The following EPHA7 variants were observed in gnomAD, a reference collection of about 807,000 sequenced individuals.
EPHA7 encodes ephrin type-A receptor 7.
EPHA7 carries 25 observed loss-of-function variants against 112.6 expected under a neutral mutation model. The observed-to-expected ratio is 0.22, with a 90% CI of 0.16 to 0.31. The LOEUF (loss-of-function observed/expected upper bound fraction) is 0.31, where lower values mean the gene tolerates loss of function less well. Among genes scored for constraint, EPHA7 ranks in the 10% least tolerant of loss-of-function variants. The pLI, the probability that EPHA7 is intolerant of heterozygous loss-of-function variation, is 1.00. For missense variants in EPHA7, 962 were observed against 1,212.6 expected, an observed-to-expected ratio of 0.79 and a Z score of 3.07; for synonymous variants, 437 against 406.5, an observed-to-expected ratio of 1.07 and a Z score of -0.90.
intron 6 of EPHA7, among the ~76,000 whole-genome samples, chr6:93,270,256 T>C (rs914057637): frequency 1.3e-5 from 2 of 151,678 alleles, no homozygotes; most frequent in Non-Finnish European, 3.0e-5. Context: ...ATATGATTTA[T>C]GGTTTGAAAA....
intron 3 of EPHA7, among the ~76,000 whole-genome samples, chr6:93,395,070 A>G (rs1427421304): frequency 6.6e-6 from 1 of 151,858 alleles, no homozygotes; most frequent in Non-Finnish European, 1.5e-5. Flanking sequence ...TCCAAACAAG[A>G]AATGCATAAT....
At chr6:93,349,637 T>C (rs1034635718) in intron 5 of EPHA7, among the ~76,000 whole-genome samples, 1 of 151,884 alleles carries the variant, frequency 6.6e-6, no homozygotes, top group Non-Finnish European at 1.5e-5. Context: ...GAATGCTGTG[T>C]TTAATATTAC....
At chr6:93,395,324 A>T (rs566337265) in intron 3 of EPHA7, among the ~76,000 whole-genome samples, 170 of 151,958 alleles carry the variant, frequency 1.1e-3, no homozygotes, top group Admixed American at 2.9e-3. Context: ...GTAATTCAGA[A>T]TTGTCTTGGA....
In EPHA7 at chr6:93,320,116, C is replaced by T. The variant is rs1303084709; in HGVS notation, c.1324+36601G>A. On this transcript the variant is annotated intron_variant, in intron 5 of 16. Coordinates refer to ENST00000369303, the MANE Select transcript of EPHA7 (RefSeq NM_004440.4). ...TGTATTTTGTGCTAGTATTAATGGG[C>T]TGCTCATTGAAGGAGGAGAAATCAC... Among the ~76,000 whole-genome samples, 3 of 151,990 alleles carry T rather than the reference C, an allele frequency of 2.0e-5. No individual in the cohort carries two copies. In the East Asian group the frequency reaches 5.8e-4, roughly 29 times the overall value.
intron 7 of EPHA7, among the ~76,000 whole-genome samples, chr6:93,265,132 A>G (rs1770870482): frequency 6.6e-6 from 1 of 151,612 alleles, no homozygotes; most frequent in Admixed American, 6.6e-5. Flanking sequence ...GAAGTACCTT[A>G]ACACACATTA....
intron 5 of EPHA7, among the ~76,000 whole-genome samples, chr6:93,347,795 A>G (rs1323367491): frequency 6.6e-6 from 1 of 151,786 alleles, no homozygotes; most frequent in African/African-American, 2.4e-5. Flanking sequence ...GTATACAGTT[A>G]CATTGGGGGT....
chr6:93,402,064 A>G (rs1582673864), intron 3 of EPHA7, among the ~76,000 whole-genome samples: 1 of 151,968 alleles, frequency 6.6e-6, no homozygotes, highest in African/African-American at 2.4e-5. Flanking sequence ...TTTATAAAAG[A>G]CTGACCATAT....
chr6:93,306,416 G>C (rs1773261141), intron 5 of EPHA7, among the ~76,000 whole-genome samples: 2 of 151,950 alleles, frequency 1.3e-5, no homozygotes, highest in African/African-American at 4.8e-5. Flanking sequence ...TATCCAAATG[G>C]ATTAATTAAA....
At position 93,356,876 on chromosome 6, in the gene EPHA7, T is replaced by C. The variant is rs752702243; in HGVS notation, c.1165A>G (p.Met389Val). 5.0e-6 allele frequency: 8 copies of C among 1,614,168 alleles called. No homozygotes were observed. The highest frequency in any genetic ancestry group is 1.6e-4 in the Middle Eastern group (1 of 6,062). ...CVPCGSNIGY[M>V]PQQTGLEDNY... ...TCCTCTAATCCAGTCTGCTGGGGCA[T>C]GTATCCAATGTTACTCCCACAGGGA... Residue 389 changes from methionine (M) to valine (V), a missense_variant, in exon 5 of 17, where the codon ATG (methionine) becomes GTG (valine). By Grantham distance (21) the Met-to-Val change is conservative. Coordinates refer to ENST00000369303, the MANE Select transcript of EPHA7 (RefSeq NM_004440.4).
chr6:93,314,222 G>A (rs1472086906), intron 5 of EPHA7, among the ~76,000 whole-genome samples: 1 of 151,944 alleles, frequency 6.6e-6, no homozygotes, highest in Non-Finnish European at 1.5e-5. Context: ...TGGCTAAACT[G>A]CTTTTTTTCT....
Position 93,246,376 on chromosome 6 carries a change from C to T in EPHA7, c.2726+416G>A, listed in dbSNP as rs372131649. Among the ~76,000 whole-genome samples the T allele has an allele frequency of 2.0e-5, 3 of 152,116 alleles. 1 individual carries two copies. The highest frequency in any genetic ancestry group is 6.5e-5 in the Admixed American group (1 of 15,270). ...GAATTTCTCTTATAAACTTTAACATCATTGAATCATTTATTAAATGACTTG... is the reference window on the plus strand; with the variant it reads ...GAATTTCTCTTATAAACTTTAACATTATTGAATCATTTATTAAATGACTTG... On this transcript the variant is annotated intron_variant, in intron 15 of 16. Transcript: ENST00000369303.
chr6:93,359,148 C>T (rs3823230), intron 3 of EPHA7, among the ~76,000 whole-genome samples: 10 of 152,178 alleles, frequency 6.6e-5, no homozygotes, highest in Middle Eastern at 3.4e-3. Context: ...GGTTAGGGTG[C>T]AATCACACTA....
At chr6:93,365,460 G>A (rs892080142) in intron 3 of EPHA7, among the ~76,000 whole-genome samples, 3 of 152,062 alleles carry the variant, frequency 2.0e-5, no homozygotes, top group African/African-American at 4.8e-5. Context: ...TTTCTATAAG[G>A]CAAAGGGGAA....
chr6:93,405,551 A>G (rs1209659103), intron 3 of EPHA7, among the ~76,000 whole-genome samples: 1 of 151,442 alleles, frequency 6.6e-6, no homozygotes, highest in African/African-American at 2.4e-5. Context: ...TTCATTGATT[A>G]TTTGCTATGT....
intron 3 of EPHA7, among the ~76,000 whole-genome samples, chr6:93,359,924 T>TAG (rs1776175770): frequency 7.1e-6 from 1 of 140,518 alleles, no homozygotes; most frequent in African/African-American, 2.6e-5. Context: ...TAGATAGAGA[T>TAG]AGACAGATAG....
intron 2 of EPHA7, 109 bp from the exon 3 acceptor site, chr6:93,411,279 C>G: frequency 1.2e-6 from 1 of 822,326 alleles, no homozygotes; most frequent in Non-Finnish European, 1.9e-6. Context: ...TAGGTTGATT[C>G]CTATGCTGGC....
chr6:93,335,070 C>T (rs182188908), intron 5 of EPHA7, among the ~76,000 whole-genome samples: 13 of 152,128 alleles, frequency 8.5e-5, no homozygotes, highest in Admixed American at 8.5e-4. Flanking sequence ...TTATCACCTT[C>T]GGCAATTTGT....
chr6:93,384,002 G>A lies in EPHA7; in HGVS notation c.833-25591C>T, dbSNP rs576537567. 1.1e-4 allele frequency among the ~76,000 whole-genome samples: 17 copies of A among 152,194 alleles called. No individual in the cohort carries two copies. In the South Asian group the frequency reaches 3.3e-3, roughly 30 times the overall value. On this transcript the variant is annotated intron_variant, in intron 3 of 16. Transcript: ENST00000369303. ...CATGCATGGCCAACATGAGTTTTTG[G>A]AGGACATATAATATATAAACCTTTT...
chr6:93,406,892 C>A (rs1229442385), intron 3 of EPHA7, among the ~76,000 whole-genome samples: 1 of 151,744 alleles, frequency 6.6e-6, no homozygotes, highest in Admixed American at 6.6e-5. Context: ...AATAACTATA[C>A]TTTTTATCTA....
Sources: gnomAD v4.1 joint callset for allele counts (sites outside exome capture counted in the v4.1 genomes callset) on GRCh38, gnomAD v4.1.1 for gene constraint, MANE v1.5 for transcripts, NCBI Gene and HGNC (gene_info 2026-07-23, HGNC 2026-07-21) for gene names.